DTWD1: variants seen among roughly 807,000 people sequenced by gnomAD.
The protein encoded by DTWD1 is tRNA-uridine aminocarboxypropyltransferase 1.
A neutral mutation model predicts 30.2 loss-of-function variants in DTWD1; 27 were observed. The observed-to-expected ratio is 0.90, with a 90% CI of 0.66 to 1.23. The LOEUF is 1.23. Among genes scored for constraint, DTWD1 ranks in the 50% most tolerant of loss-of-function variants. The pLI, the probability that DTWD1 is intolerant of heterozygous loss-of-function variation, is 0.00. For missense variants in DTWD1, 342 were observed against 348.8 expected (o/e 0.98, Z 0.15); for synonymous variants, 99 against 113.1 (o/e 0.88, Z 0.79).
At position 49,654,201 on chromosome 15, in the gene DTWD1, G is replaced by A. The variant is rs1598680532; in HGVS notation, c.*10623G>A. 6.6e-6 allele frequency: 1 copy of A among 152,054 alleles called. No individual in the cohort carries two copies. The highest frequency in any genetic ancestry group is 2.4e-5 in the African/African-American group (1 of 41,418). 9.4% of individuals were successfully genotyped at this position (152,054 alleles called of 1,614,324 possible). A position where few individuals can be genotyped will look rare whatever the true frequency, so the allele number is the denominator to read the frequency against. Reference sequence around the variant, plus strand: ...TATCTGGACATGGTTTAGATGATAAGATTCTGAACTTAAACTTATGCCATA... The same window carrying A: ...TATCTGGACATGGTTTAGATGATAAAATTCTGAACTTAAACTTATGCCATA... On this transcript the variant is annotated 3_prime_UTR_variant, in exon 5 of 5. Transcript: ENST00000403028.
intron 4 of DTWD1, among the ~76,000 whole-genome samples, chr15:49,636,642 C>CT (rs2079006969): frequency 6.6e-6 from 1 of 151,970 alleles, no homozygotes; most frequent in South Asian, 2.1e-4. Context: ...AATATGTTGC[C>CT]TAGGATACTT....
At chr15:49,643,308 T>A in intron 4 of DTWD1, 23 bp from the exon 5 acceptor site, 4 of 654,680 alleles carry the variant, frequency 6.1e-6, no homozygotes, top group Non-Finnish European at 4.2e-6. Flanking sequence ...CTTTCTTTCT[T>A]TTTTTTTTTT....
chr15:49,632,417 A>G (rs1349281600), intron 3 of DTWD1, 115 bp downstream of exon 3: 1 of 998,270 alleles, frequency 1.0e-6, no homozygotes, highest in African/African-American at 1.7e-5. Context: ...GTAAAGTATT[A>G]TGCTCAGGTA....
intron 4 of DTWD1, among the ~76,000 whole-genome samples, chr15:49,641,662 C>G (rs952811582): frequency 2.0e-5 from 3 of 152,044 alleles, no homozygotes; most frequent in Non-Finnish European, 4.4e-5. Flanking sequence ...AAATGTTTAT[C>G]ACTTTTTTCG....
At chr15:49,625,926 G>T (rs2078838124) in intron 2 of DTWD1, among the ~76,000 whole-genome samples, 2 of 152,030 alleles carry the variant, frequency 1.3e-5, no homozygotes, top group South Asian at 4.1e-4. Context: ...CAAGGAGCTT[G>T]GGCTTCTGAA....
chr15:49,640,100 CTTCT>C (rs1283280776), intron 4 of DTWD1, among the ~76,000 whole-genome samples: 3 of 152,092 alleles, frequency 2.0e-5, no homozygotes, highest in Non-Finnish European at 2.9e-5. Context: ...TGCCATTCCC[CTTCT>C]TCCCCTGACA....
At chr15:49,624,248 C>T (rs925871014) in intron 1 of DTWD1, among the ~76,000 whole-genome samples, 11 of 152,114 alleles carry the variant, frequency 7.2e-5, no homozygotes, top group Non-Finnish European at 1.5e-4. Flanking sequence ...CCTGGAGCTT[C>T]GTAGTTAAAC....
Position 49,653,349 on chromosome 15 carries a change from A to G in DTWD1, c.*9771A>G, listed in dbSNP as rs1438416492. On this transcript the variant is annotated 3_prime_UTR_variant, in exon 5 of 5. Coordinates refer to ENST00000403028, the MANE Select transcript of DTWD1 (RefSeq NM_001144955.2). ...TGAGTGATAGGAACCACAAGCCCCAAGCAGCCTCTGGAAGCTGGAAAAAGC... is the reference window on the plus strand; with the variant it reads ...TGAGTGATAGGAACCACAAGCCCCAGGCAGCCTCTGGAAGCTGGAAAAAGC... 6.6e-6 allele frequency: 1 copy of G among 152,160 alleles called. No homozygotes were observed. The highest frequency in any genetic ancestry group is 1.5e-5 in the Non-Finnish European group (1 of 68,026). 9.4% of individuals were successfully genotyped at this position (152,160 alleles called of 1,614,324 possible). A position where few individuals can be genotyped will look rare whatever the true frequency, so the allele number is the denominator to read the frequency against.
Position 49,632,847 on chromosome 15 carries a change from G to C in DTWD1, c.408+545G>C, listed in dbSNP as rs188291062. Among the ~76,000 whole-genome samples the C allele has an allele frequency of 2.3e-3, 352 of 152,050 alleles. 3 individuals are homozygous for C. Among genetic ancestry groups the C allele is most frequent in the African/African-American group, 8.3e-3 (345 of 41,528 alleles). On this transcript the variant is annotated intron_variant, in intron 3 of 4. Transcript: ENST00000403028. ...AATTGTCACATTGGTGAGAAATTAT[G>C]GGTCTTCTTGCTGAAAAGTAATTTT...
intron 1 of DTWD1, among the ~76,000 whole-genome samples, chr15:49,623,195 A>C (rs2078791765): frequency 6.6e-6 from 1 of 152,190 alleles, no homozygotes; most frequent in African/African-American, 2.4e-5. Context: ...CAGGGAAATG[A>C]AGTCAGGTTG....
In DTWD1 at chr15:49,631,516, A is replaced by G. The variant is rs149712516; in HGVS notation, c.265-643A>G. 2.1e-3 allele frequency among the ~76,000 whole-genome samples: 316 copies of G among 152,294 alleles called. 1 individual carries two copies. Among genetic ancestry groups the G allele is most frequent in the Admixed American group, 6.1e-3 (94 of 15,292 alleles). ...GTGGTGGCTCACTGGTAATCTCAGC[A>G]CTTTGGGAGGCTGAGGCAGGCAGAT... On this transcript the variant is annotated intron_variant, in intron 2 of 4. Transcript: ENST00000403028.
chr15:49,623,037 A>G (rs1471211516), intron 1 of DTWD1, among the ~76,000 whole-genome samples: 1 of 152,184 alleles, frequency 6.6e-6, no homozygotes, highest in Non-Finnish European at 1.5e-5. Context: ...CCCTAGGATA[A>G]CTCCAAAAAC....
In DTWD1 at chr15:49,633,046, TA is replaced by T. The variant is rs1567739320; in HGVS notation, c.408+745del. Among the ~76,000 whole-genome samples the T allele has an allele frequency of 2.0e-3, 239 of 116,636 alleles. 3 individuals carry two copies. Among genetic ancestry groups the T allele is most frequent in the African/African-American group, 6.5e-3 (223 of 34,084 alleles). The allele number at this position is 116,636 out of a possible 152,430, so 76.5% of individuals were successfully genotyped here. On this transcript the variant is annotated intron_variant, in intron 3 of 4. Transcript: ENST00000403028. Reference sequence around the variant, plus strand: ...ATTTTTACTTTCCTATTTATATCTATATCTATATATATATATATATATATGT... The same window carrying T: ...ATTTTTACTTTCCTATTTATATCTATTCTATATATATATATATATATATGT...
intron 2 of DTWD1, among the ~76,000 whole-genome samples, chr15:49,628,639 A>C (rs1412522206): frequency 6.6e-6 from 1 of 152,204 alleles, no homozygotes; most frequent in East Asian, 1.9e-4. Flanking sequence ...AAACTTGGGC[A>C]GAAGGATTTG....
Position 49,634,982 on chromosome 15 carries a change from A to T in DTWD1, c.667+188A>T, listed in dbSNP as rs186263298. On this transcript the variant is annotated intron_variant, in intron 4 of 4. Coordinates refer to ENST00000403028, the MANE Select transcript of DTWD1 (RefSeq NM_001144955.2). ...TATATTATATATTTTTTGGTTGATC[A>T]ATTGAAAGTAAGTTTCAGGCTTTGT... 1.9e-4 allele frequency among the ~76,000 whole-genome samples: 29 copies of T among 152,238 alleles called. 1 individual carries two copies. In the East Asian group the frequency reaches 5.6e-3, roughly 29 times the overall value.
intron 4 of DTWD1, 77 bp downstream of exon 4, chr15:49,634,871 G>C: frequency 5.7e-6 from 8 of 1,406,710 alleles, no homozygotes; most frequent in Non-Finnish European, 6.7e-6. Flanking sequence ...CAGATAATTT[G>C]AAAGAGGAGT....
At chr15:49,640,947 G>A (rs10519234) in intron 4 of DTWD1, among the ~76,000 whole-genome samples, 9,091 of 152,054 alleles carry the variant, frequency 0.06, 706 homozygotes, top group African/African-American at 0.18. Flanking sequence ...AAGATACTAT[G>A]TGGCTAATGA....
chr15:49,642,705 GC>G (rs2079079117), intron 4 of DTWD1, among the ~76,000 whole-genome samples: 2 of 152,058 alleles, frequency 1.3e-5, no homozygotes, highest in African/African-American at 2.4e-5. Flanking sequence ...GATCACTTGA[GC>G]CCCGGATTTT....
In DTWD1 at chr15:49,647,042, G is replaced by C. The variant is rs1441711498; in HGVS notation, c.*3464G>C. 1.3e-5 allele frequency: 2 copies of C among 152,176 alleles called. No homozygotes were observed. The highest frequency in any genetic ancestry group is 4.8e-5 in the African/African-American group (2 of 41,456). 9.4% of individuals were successfully genotyped at this position (152,176 alleles called of 1,614,324 possible). A position where few individuals can be genotyped will look rare whatever the true frequency, so the allele number is the denominator to read the frequency against. Reference sequence around the variant, plus strand: ...TTACTGGGGTAATAAAGGTCTGGAAGGCTGCAGCAGAAGAGATTTAGAGAA... The same window carrying C: ...TTACTGGGGTAATAAAGGTCTGGAACGCTGCAGCAGAAGAGATTTAGAGAA... On this transcript the variant is annotated 3_prime_UTR_variant, in exon 5 of 5. Coordinates refer to ENST00000403028, the MANE Select transcript of DTWD1 (RefSeq NM_001144955.2).
Sources: gnomAD v4.1 joint callset for allele counts (sites outside exome capture counted in the v4.1 genomes callset) on GRCh38, gnomAD v4.1.1 for gene constraint, MANE v1.5 for transcripts, NCBI Gene and HGNC (gene_info 2026-07-23, HGNC 2026-07-21) for gene names.